PDE4B: variants seen among roughly 807,000 people sequenced by gnomAD.
The protein encoded by PDE4B is phosphodiesterase 4B.
A neutral mutation model predicts 82.2 loss-of-function variants in PDE4B; 20 were observed. That is an observed-to-expected ratio of 0.24 (90% CI 0.17 to 0.35). PDE4B has a LOEUF of 0.35. Among genes scored for constraint, PDE4B ranks in the 10% least tolerant of loss-of-function variants. The pLI is 1.00. For synonymous variants in PDE4B, 320 were observed against 318.9 expected, an observed-to-expected ratio of 1.00 and a Z score of -0.04; for missense variants, 655 against 907.2, an observed-to-expected ratio of 0.72 and a Z score of 3.57.
At chr1:65,977,698 C>T (rs1650481658) in intron 3 of PDE4B, among the ~76,000 whole-genome samples, 1 of 152,190 alleles carries the variant, frequency 6.6e-6, no homozygotes, top group African/African-American at 2.4e-5. Flanking sequence ...TTCTAATCTT[C>T]AGAAACTCAC....
rs1284448526 is a variant in PDE4B at position 66,174,176 on chromosome 1, AC to A, written c.282-73283del. ...AGGTGAGAAAATAAAATGGAACTCTACATTTTCAATTACACCACGTCAATTA... is the reference window on the plus strand; with the variant it reads ...AGGTGAGAAAATAAAATGGAACTCTAATTTTCAATTACACCACGTCAATTA... On this transcript the variant is annotated intron_variant, in intron 3 of 16. Coordinates refer to ENST00000341517, the MANE Select transcript of PDE4B (RefSeq NM_002600.4). 3.9e-5 allele frequency among the ~76,000 whole-genome samples: 6 copies of A among 152,334 alleles called. No homozygotes were observed. In the East Asian group the frequency reaches 1.2e-3, roughly 29 times the overall value.
intron 3 of PDE4B, among the ~76,000 whole-genome samples, chr1:66,226,273 A>G (rs1651446461): frequency 7.2e-6 from 1 of 138,814 alleles, no homozygotes; most frequent in South Asian, 2.2e-4. Context: ...GCACTGTACT[A>G]GGCTCTAGAG....
At chr1:66,334,511 G>A (rs1660361033) in intron 8 of PDE4B, among the ~76,000 whole-genome samples, 1 of 152,132 alleles carries the variant, frequency 6.6e-6, no homozygotes, top group Non-Finnish European at 1.5e-5. Context: ...CCTCCTTTAT[G>A]GTGTTGTGTG....
At chr1:66,240,663 A>G (rs1404439014) in intron 3 of PDE4B, among the ~76,000 whole-genome samples, 1 of 152,216 alleles carries the variant, frequency 6.6e-6, no homozygotes, top group Non-Finnish European at 1.5e-5. Context: ...ACCTTGTTCC[A>G]TACACTGCTG....
At chr1:66,108,203 G>C (rs1645410351) in intron 3 of PDE4B, among the ~76,000 whole-genome samples, 1 of 151,844 alleles carries the variant, frequency 6.6e-6, no homozygotes, top group Non-Finnish European at 1.5e-5. Context: ...CCTTTCACCA[G>C]GGTCTTCCCA....
intron 3 of PDE4B, among the ~76,000 whole-genome samples, chr1:66,085,687 G>A (rs1478507220): frequency 3.9e-5 from 6 of 152,060 alleles, no homozygotes; most frequent in African/African-American, 1.4e-4. Flanking sequence ...GGTTGCTGTA[G>A]GAAACAGAGT....
chr1:66,332,516 T>C lies in PDE4B; in HGVS notation c.643T>C (p.Tyr215His). Reference sequence around the variant, plus strand: ...TGTGTGTTTGTTTGCAGAAGAATCTTATCAAAAATTAGCAATGGAAACGCT... The same window carrying C: ...TGTGTGTTTGTTTGCAGAAGAATCTCATCAAAAATTAGCAATGGAAACGCT... ...VSRVNPQEESYQKLAMETLEE... is the reference protein window; with the variant it reads ...VSRVNPQEESHQKLAMETLEE... Residue 215 changes from tyrosine (Y) to histidine (H), a missense_variant, in exon 8 of 17, where the codon TAT (tyrosine) becomes CAT (histidine). This residue lies in a region of PDE4B where 253 missense variants were observed against 275.6 expected (regional missense o/e 0.92). Coordinates refer to ENST00000341517, the MANE Select transcript of PDE4B (RefSeq NM_002600.4). 1 of 1,614,166 alleles carries C rather than the reference T, an allele frequency of 6.2e-7. No individual in the cohort carries two copies. The highest frequency in any genetic ancestry group is 8.5e-7 in the Non-Finnish European group (1 of 1,180,024).
At chr1:66,208,742 G>A (rs1431715386) in intron 3 of PDE4B, among the ~76,000 whole-genome samples, 1 of 152,016 alleles carries the variant, frequency 6.6e-6, no homozygotes, top group Non-Finnish European at 1.5e-5. Context: ...AATAAAAAGT[G>A]GGCCACAATG....
chr1:65,900,553 G>T (rs570912336), intron 1 of PDE4B, among the ~76,000 whole-genome samples: 2 of 152,050 alleles, frequency 1.3e-5, no homozygotes, highest in East Asian at 3.9e-4. Context: ...GGCATTATGG[G>T]CATTTTAATG....
intron 3 of PDE4B, among the ~76,000 whole-genome samples, chr1:66,027,932 T>A (rs1198501199): frequency 2.0e-5 from 3 of 152,184 alleles, no homozygotes; most frequent in Non-Finnish European, 4.4e-5. Context: ...TCTGCGACTT[T>A]TCCAGGCACA....
chr1:66,064,034 C>T lies in PDE4B; in HGVS notation c.281+145199C>T, dbSNP rs549608732. ...GTCAGTGAGTTACCCAAAATTGAGTCAGTGCTTTTCTTCGGAGAGTAATAA... is the reference window on the plus strand; with the variant it reads ...GTCAGTGAGTTACCCAAAATTGAGTTAGTGCTTTTCTTCGGAGAGTAATAA... On this transcript the variant is annotated intron_variant, in intron 3 of 16. Coordinates refer to ENST00000341517, the MANE Select transcript of PDE4B (RefSeq NM_002600.4). Among the ~76,000 whole-genome samples the T allele has an allele frequency of 2.6e-4, 40 of 152,018 alleles. No homozygotes were observed. The South Asian group carries it at 8.3e-3, about 32-fold the overall frequency.
Position 65,945,562 on chromosome 1 carries a change from C to T in PDE4B, c.281+26727C>T, listed in dbSNP as rs1648671102. 2.0e-5 allele frequency among the ~76,000 whole-genome samples: 3 copies of T among 152,054 alleles called. No homozygotes were observed. The South Asian group carries it at 6.2e-4, about 32-fold the overall frequency. On this transcript the variant is annotated intron_variant, in intron 3 of 16. Transcript: ENST00000341517. ...CAGGTTGGTCTCCTTGAGAGATGGT[C>T]TCAACTTTGCTTTCTGTTGCAAGGA...
At chr1:66,198,837 A>G (rs1257160912) in intron 3 of PDE4B, among the ~76,000 whole-genome samples, 2 of 141,814 alleles carry the variant, frequency 1.4e-5, no homozygotes, top group Middle Eastern at 3.4e-3. Context: ...TTCAATTCCC[A>G]CCTATGAGTG....
At chr1:66,365,576 C>T (rs984442559) in intron 12 of PDE4B, 91 bp from the exon 13 acceptor site, 51 of 624,156 alleles carry the variant, frequency 8.2e-5, no homozygotes, top group African/African-American at 6.0e-4. Context: ...CCTCTCCCAA[C>T]AAGAATAAAG....
chr1:65,854,546 T>G (rs990113087), intron 1 of PDE4B, among the ~76,000 whole-genome samples: 1 of 152,034 alleles, frequency 6.6e-6, no homozygotes, highest in Non-Finnish European at 1.5e-5. Context: ...CTTCATCATT[T>G]TAAAGTCATG....
intron 7 of PDE4B, among the ~76,000 whole-genome samples, chr1:66,289,314 G>A (rs1656902811): frequency 6.6e-6 from 1 of 152,088 alleles, no homozygotes; most frequent in Non-Finnish European, 1.5e-5. Flanking sequence ...TTTGGACCAG[G>A]AGGGAGAGAC....
intron 3 of PDE4B, among the ~76,000 whole-genome samples, chr1:66,225,781 C>T (rs976486687): frequency 2.6e-5 from 4 of 152,104 alleles, no homozygotes; most frequent in South Asian, 2.1e-4. Context: ...TTTTGTTTTC[C>T]TGGTTATTGG....
At chr1:66,204,687 C>T (rs111840457) in intron 3 of PDE4B, among the ~76,000 whole-genome samples, 1 of 152,218 alleles carries the variant, frequency 6.6e-6, no homozygotes, top group Non-Finnish European at 1.5e-5. Flanking sequence ...GTTTTTTAAG[C>T]CCATTGGAAA....
intron 3 of PDE4B, among the ~76,000 whole-genome samples, chr1:66,060,934 A>T (rs1557532646): frequency 6.6e-6 from 1 of 151,924 alleles, no homozygotes; most frequent in Non-Finnish European, 1.5e-5. Flanking sequence ...AGTGAAAAAT[A>T]GGTGTAATAC....
Sources: allele counts gnomAD v4.1 joint callset (sites outside exome capture counted in the v4.1 genomes callset), GRCh38; gene constraint gnomAD v4.1.1; regional missense constraint gnomAD v4.1.1; transcripts MANE v1.5; gene names NCBI Gene and HGNC (gene_info 2026-07-23, HGNC 2026-07-21).